Variants in KIRREL3 observed in about 807,000 individuals in gnomAD.
KIRREL3 encodes the protein kirre like nephrin family adhesion molecule 3.
A neutral mutation model predicts 89.7 loss-of-function variants in KIRREL3; 36 were observed. The observed-to-expected ratio is 0.40, with a 90% CI of 0.31 to 0.53. The LOEUF is 0.53. Among genes scored for constraint, KIRREL3 ranks in the 20% least tolerant of loss-of-function variants. The pLI is 0.49. For synonymous variants in KIRREL3, 445 were observed against 441.4 expected, an observed-to-expected ratio of 1.01 and a Z score of -0.10; for missense variants, 864 against 1,056.6, an observed-to-expected ratio of 0.82 and a Z score of 2.53.
intron 5 of KIRREL3, among the ~76,000 whole-genome samples, chr11:126,473,055 C>CCCAACCAGCCCCCCCGCCA (rs1956958064): frequency 1.7e-4 from 1 of 5,716 alleles, no homozygotes; most frequent in African/African-American, 4.4e-4. Flanking sequence ...CCCAGCCCCT[C>CCCAACCAGCCCCCCCGCCA]TCCCCAGCCC....
At position 126,495,616 on chromosome 11, in the gene KIRREL3, G is replaced by A. The variant is rs768763200; in HGVS notation, c.434-22150C>T. On this transcript the variant is annotated intron_variant, in intron 4 of 16. Coordinates refer to ENST00000525144, the MANE Select transcript of KIRREL3 (RefSeq NM_032531.4). This position sits in a 1 kb window ranked among gnomAD's most constrained non-coding sequence, Gnocchi z 6.5. ...GCAGCAGATGCCTCAGGAAGGAAGC[G>A]ACCCTGTTGTGTCCTCCCTGCTGTG... is the stretch of plus-strand genomic sequence containing the variant. 1.3e-5 allele frequency among the ~76,000 whole-genome samples: 2 copies of A among 152,160 alleles called. No homozygotes were observed. The highest frequency in any genetic ancestry group is 2.1e-4 in the South Asian group (1 of 4,820).
In KIRREL3 at chr11:126,771,877, A is replaced by G. The variant is rs1950030775; in HGVS notation, c.56-208965T>C. On this transcript the variant is annotated intron_variant, in intron 1 of 16. Transcript: ENST00000525144. This position sits in a 1 kb window ranked among gnomAD's most constrained non-coding sequence, Gnocchi z 4.4. ...TAGAGACCTGAAGTTCATCTCTGCAATTCCTTTGTTGACAGGCTGAGCATG... is the reference window on the plus strand; with the variant it reads ...TAGAGACCTGAAGTTCATCTCTGCAGTTCCTTTGTTGACAGGCTGAGCATG... 6.6e-6 allele frequency among the ~76,000 whole-genome samples: 1 copy of G among 152,254 alleles called. No homozygotes were observed. The highest frequency in any genetic ancestry group is 1.5e-5 in the Non-Finnish European group (1 of 68,044).
Position 126,504,262 on chromosome 11 carries a change from A to G in KIRREL3, c.433+17053T>C, listed in dbSNP as rs376865811. Among the ~76,000 whole-genome samples, 222 of 152,244 alleles carry G rather than the reference A, an allele frequency of 1.5e-3. 2 individuals carry two copies. Among genetic ancestry groups the G allele is most frequent in the African/African-American group, 5.1e-3 (212 of 41,542 alleles). On this transcript the variant is annotated intron_variant, in intron 4 of 16. Transcript: ENST00000525144. ...CTCATCTCTTCTCTGTATTACTGCA[A>G]GAGCCTCTTAACAGAGGCTCTTGTC...
chr11:126,615,139 G>A lies in KIRREL3; in HGVS notation c.56-52227C>T, dbSNP rs546967994. ...GAAAGACATTTTGGTGCATTATGAG[G>A]AAGAATTGTAATGTAGAGCTGTGCT... On this transcript the variant is annotated intron_variant, in intron 1 of 16. Coordinates refer to ENST00000525144, the MANE Select transcript of KIRREL3 (RefSeq NM_032531.4). This position sits in a 1 kb window ranked among gnomAD's most constrained non-coding sequence, Gnocchi z 5.4. Among the ~76,000 whole-genome samples, 4 of 152,176 alleles carry A rather than the reference G, an allele frequency of 2.6e-5. No individual in the cohort carries two copies. In the South Asian group the frequency reaches 8.3e-4, roughly 32 times the overall value.
In KIRREL3 at chr11:126,755,632, A is replaced by G. The variant is rs1271726547; in HGVS notation, c.56-192720T>C. On this transcript the variant is annotated intron_variant, in intron 1 of 16. Transcript: ENST00000525144. The surrounding 1 kb of genome is among the most constrained non-coding windows in gnomAD (Gnocchi z 4.3). Reference sequence around the variant, plus strand: ...CGTGCTGACACTCTCAACTTCCCTGAGTGCCTGTACACCCCCGCCCCCAAT... The same window carrying G: ...CGTGCTGACACTCTCAACTTCCCTGGGTGCCTGTACACCCCCGCCCCCAAT... Among the ~76,000 whole-genome samples, 1 of 152,200 alleles carries G rather than the reference A, an allele frequency of 6.6e-6. No homozygotes were observed. Among genetic ancestry groups the G allele is most frequent in the Non-Finnish European group, 1.5e-5 (1 of 68,042 alleles).
rs1465721815 is a variant in KIRREL3 at position 126,558,550 on chromosome 11, C to G, written c.133+4285G>C. 6.6e-6 allele frequency among the ~76,000 whole-genome samples: 1 copy of G among 152,182 alleles called. No individual in the cohort carries two copies. Among genetic ancestry groups the G allele is most frequent in the Non-Finnish European group, 1.5e-5 (1 of 68,038 alleles). The stretch of plus-strand genomic sequence containing the variant: ...CCAGCCACTTCATATGGGCCCCGGG[C>G]AAGTTGCTGCATGCTCTTGGGCCAT... On this transcript the variant is annotated intron_variant, in intron 2 of 16. Coordinates refer to ENST00000525144, the MANE Select transcript of KIRREL3 (RefSeq NM_032531.4). The surrounding 1 kb of genome is among the most constrained non-coding windows in gnomAD (Gnocchi z 4.0).
intron 1 of KIRREL3, among the ~76,000 whole-genome samples, chr11:126,631,126 T>TGTATG (rs1429956561): frequency 3.4e-4 from 11 of 32,612 alleles, no homozygotes; most frequent in East Asian, 1.5e-3. Context: ...TATGTATGTA[T>TGTATG]TCATTCATTC....
At position 126,428,662 on chromosome 11, in the gene KIRREL3, G is replaced by C. The variant is rs935205216; in HGVS notation, c.1806+517C>G. 1.3e-5 allele frequency among the ~76,000 whole-genome samples: 2 copies of C among 152,016 alleles called. No homozygotes were observed. Among genetic ancestry groups the C allele is most frequent in the Non-Finnish European group, 2.9e-5 (2 of 68,014 alleles). On this transcript the variant is annotated intron_variant, in intron 15 of 16. Coordinates refer to ENST00000525144, the MANE Select transcript of KIRREL3 (RefSeq NM_032531.4). This position sits in a 1 kb window ranked among gnomAD's most constrained non-coding sequence, Gnocchi z 6.4. Reference sequence around the variant, plus strand: ...AGACTGCATTTTTGTTGTTGTTGTTGTTTTGAGATGGAGTCTCGCTCTCAC... The same window carrying C: ...AGACTGCATTTTTGTTGTTGTTGTTCTTTTGAGATGGAGTCTCGCTCTCAC...
At chr11:126,548,962 C>A (rs1939037386) in intron 2 of KIRREL3, among the ~76,000 whole-genome samples, 1 of 152,176 alleles carries the variant, frequency 6.6e-6, no homozygotes, top group South Asian at 2.1e-4. Flanking sequence ...CCTTGGCAGG[C>A]ACAGAGGAGC....
At chr11:126,760,041 A>G (rs1218096267) in intron 1 of KIRREL3, among the ~76,000 whole-genome samples, 1 of 152,208 alleles carries the variant, frequency 6.6e-6, no homozygotes, top group Admixed American at 6.5e-5. Flanking sequence ...ACTGGTTTTG[A>G]TCTAGCACAG....
intron 1 of KIRREL3, among the ~76,000 whole-genome samples, chr11:126,617,771 A>C (rs1033236155): frequency 1.3e-5 from 2 of 152,250 alleles, no homozygotes; most frequent in African/African-American, 4.8e-5. Flanking sequence ...ACAGAGGTTA[A>C]CTGACTTGCT....
rs965860388 is a variant in KIRREL3 at position 126,562,753 on chromosome 11, C to G, written c.133+82G>C. 8.3e-7 allele frequency: 1 copy of G among 1,208,964 alleles called. No homozygotes were observed. Among genetic ancestry groups the G allele is most frequent in the African/African-American group, 1.5e-5 (1 of 66,702 alleles). The allele number at this position is 1,208,964 out of a possible 1,614,324, so 74.9% of individuals were successfully genotyped here. A position where few individuals can be genotyped will look rare whatever the true frequency, so the allele number is the denominator to read the frequency against. The stretch of plus-strand genomic sequence containing the variant: ...TCTGAGAGGTCCCAGGTTCTTATTC[C>G]TGGTTCCTCTGTCCTGTGGCTGTAG... On this transcript the variant is annotated intron_variant, in intron 2 of 16. Transcript: ENST00000525144. This position sits in a 1 kb window ranked among gnomAD's most constrained non-coding sequence, Gnocchi z 4.7.
rs1019236601 is a variant in KIRREL3 at position 126,455,383 on chromosome 11, G to A, written c.848+966C>T. Among the ~76,000 whole-genome samples, 3 of 152,226 alleles carry A rather than the reference G, an allele frequency of 2.0e-5. No individual in the cohort carries two copies. Among genetic ancestry groups the A allele is most frequent in the African/African-American group, 7.2e-5 (3 of 41,458 alleles). ...TGGATCAGTCAGACACATCTAAGGAGCATGTGGTTTATGCCATGTGCTGTG... is the reference window on the plus strand; with the variant it reads ...TGGATCAGTCAGACACATCTAAGGAACATGTGGTTTATGCCATGTGCTGTG... On this transcript the variant is annotated intron_variant, in intron 7 of 16. Coordinates refer to ENST00000525144, the MANE Select transcript of KIRREL3 (RefSeq NM_032531.4). The surrounding 1 kb of genome is among the most constrained non-coding windows in gnomAD (Gnocchi z 6.4).
chr11:126,760,087 C>G (rs1949622015), intron 1 of KIRREL3, among the ~76,000 whole-genome samples: 1 of 152,202 alleles, frequency 6.6e-6, no homozygotes, highest in Non-Finnish European at 1.5e-5. Context: ...GTCCTCTTGT[C>G]TCTCATTCAT....
Position 126,923,186 on chromosome 11 carries a change from T to TCTTCTTCTTCTTCTTCTCTTCTTCTTCTC in KIRREL3, c.55+77268_55+77269insGAGAAGAAGAAGAGAAGAAGAAGAAGAAG, listed in dbSNP as rs1947465550. Among the ~76,000 whole-genome samples the TCTTCTTCTTCTTCTTCTCTTCTTCTTCTC allele has an allele frequency of 8.1e-5, 2 of 24,678 alleles. 1 individual carries two copies. The allele number at this position is 24,678 out of a possible 152,430, so 16.2% of individuals were successfully genotyped here. On this transcript the variant is annotated intron_variant, in intron 1 of 16. Transcript: ENST00000525144. Reference sequence around the variant, plus strand: ...CTTCTTCTTCTTCTTCTCTTCTTCTTCTCTTCTTCTTCTTCTTCTTCTTCT... The same window carrying TCTTCTTCTTCTTCTTCTCTTCTTCTTCTC: ...CTTCTTCTTCTTCTTCTCTTCTTCTTCTTCTTCTTCTTCTTCTCTTCTTCTTCTCCTCTTCTTCTTCTTCTTCTTCTTCT...
chr11:126,540,695 C>T (rs192616888), intron 2 of KIRREL3, among the ~76,000 whole-genome samples: 5 of 152,336 alleles, frequency 3.3e-5, no homozygotes, highest in Admixed American at 3.3e-4. Flanking sequence ...TCTTCAGTGC[C>T]CATGGCAGAG....
intron 1 of KIRREL3, chr11:126,681,810 C>T (rs997436891): frequency 2.3e-6 from 1 of 438,600 alleles, no homozygotes; most frequent in African/African-American, 2.0e-5. Flanking sequence ...AATATTGGAT[C>T]AGTATTCCTG....
At chr11:126,945,312 C>A (rs901009027) in intron 1 of KIRREL3, among the ~76,000 whole-genome samples, 6 of 152,198 alleles carry the variant, frequency 3.9e-5, no homozygotes, top group Non-Finnish European at 4.4e-5. Context: ...CATTCAGCCA[C>A]AAGTGTGGCT....
At position 126,605,360 on chromosome 11, in the gene KIRREL3, A is replaced by G. The variant is rs1234125089; in HGVS notation, c.56-42448T>C. ...CAGGCGTCGGGAGTGGGAGCAATGG[A>G]GCACCCATGGTCTCCAGGTCTCAGG... On this transcript the variant is annotated intron_variant, in intron 1 of 16. Coordinates refer to ENST00000525144, the MANE Select transcript of KIRREL3 (RefSeq NM_032531.4). The surrounding 1 kb of genome is among the most constrained non-coding windows in gnomAD (Gnocchi z 5.7). Among the ~76,000 whole-genome samples, 6 of 152,166 alleles carry G rather than the reference A, an allele frequency of 3.9e-5. No individual in the cohort carries two copies. Among genetic ancestry groups the G allele is most frequent in the Non-Finnish European group, 8.8e-5 (6 of 68,022 alleles).
Sources: gnomAD v4.1 joint callset for allele counts (sites outside exome capture counted in the v4.1 genomes callset) on GRCh38, gnomAD v4.1.1 for gene constraint, Gnocchi (gnomAD v3.1) non-coding constraint, MANE v1.5 for transcripts, NCBI Gene and HGNC (gene_info 2026-07-23, HGNC 2026-07-21) for gene names.